The following ENTPD8 variants were observed in gnomAD, a reference collection of about 807,000 sequenced individuals.
The protein encoded by ENTPD8 is E-NTPDase 8.
A neutral mutation model predicts 47.0 loss-of-function variants in ENTPD8; 35 were observed. That is an observed-to-expected ratio of 0.75 (90% CI 0.57 to 0.99). The LOEUF is 0.99. ENTPD8 is among the 50% of genes least tolerant of loss of function. The pLI is 0.00. For synonymous variants in ENTPD8, 308 were observed against 290.5 expected, an observed-to-expected ratio of 1.06 and a Z score of -0.61; for missense variants, 668 against 649.9, an observed-to-expected ratio of 1.03 and a Z score of -0.30.
At chr9:137,435,135 G>A (rs769589401) in intron 9 of ENTPD8, 30 bp from the exon 10 acceptor site, 71 of 1,602,550 alleles carry the variant, frequency 4.4e-5, no homozygotes, top group East Asian at 6.7e-5. Flanking sequence ...TCAGGGCTGC[G>A]GGGCAGCTAC....
rs776380909 is a variant in ENTPD8, at chr9:137,438,198, C to G, written c.88G>C (p.Val30Leu). 1.4e-5 allele frequency: 22 copies of G among 1,608,296 alleles called. No homozygotes were observed. Among genetic ancestry groups the G allele is most frequent in the Non-Finnish European group, 1.9e-5 (22 of 1,177,954 alleles). Residue 30 changes from valine (V) to leucine (L), a missense_variant, in exon 2 of 10, where the codon GTG becomes CTG. Coordinates refer to ENST00000371506, the MANE Select transcript of ENTPD8 (RefSeq NM_001033113.2). This position sits in a 1 kb window ranked among gnomAD's most constrained non-coding sequence, Gnocchi z 5.7. Reference protein sequence around the residue: ...SGLTALILLLVEATSVLLPTD... With the variant: ...SGLTALILLLLEATSVLLPTD... ...GGCAGGAGCACGCTGGTGGCCTCCA[C>G]CAGGAGGAGAATGAGTGCCGTGAGG...
rs895265766 is a variant in ENTPD8 at position 137,435,624 on chromosome 9, C to T, written c.1161+95G>A. 85 of 1,286,898 alleles carry T rather than the reference C, an allele frequency of 6.6e-5. 1 individual carries two copies. The Middle Eastern group carries it at 7.3e-4, about 11-fold the overall frequency. The allele number at this position is 1,286,898 out of a possible 1,614,324, so 79.7% of individuals were successfully genotyped here. Reference sequence around the variant, plus strand: ...CCTTGCCTCCCCCGGCCCTGCTGGCCGTGCTGCCCAGAATGAGGCTCCAGC... The same window carrying T: ...CCTTGCCTCCCCCGGCCCTGCTGGCTGTGCTGCCCAGAATGAGGCTCCAGC... On this transcript the variant is annotated intron_variant, in intron 8 of 9. Coordinates refer to ENST00000371506, the MANE Select transcript of ENTPD8 (RefSeq NM_001033113.2).
In ENTPD8 at chr9:137,435,022, C is replaced by T. The variant is rs756498359; in HGVS notation, c.1380G>A (p.Trp460Ter). Residue 460 changes from tryptophan (W) to a stop codon, truncating the protein, a stop_gained, in exon 10 of 10, where the codon TGG becomes TGA. Transcript: ENST00000371506. LOFTEE classifies it low-confidence loss of function (END_TRUNC). ...CCCAGACGCCGTAGCTCTCTGCCCG[C>T]CACTGAGCCGGCGCATCGGCCGGGA... ...GMIPADAPAQWRAESYGVWVA... is the reference protein window; with the variant it reads ...GMIPADAPAQ 6.2e-7 allele frequency: 1 copy of T among 1,612,762 alleles called. No individual in the cohort carries two copies. The highest frequency in any genetic ancestry group is 1.7e-5 in the Admixed American group (1 of 59,984).
At chr9:137,435,861 C>A in intron 7 of ENTPD8, 32 bp from the exon 8 acceptor site, 1 of 1,609,340 alleles carries the variant, frequency 6.2e-7, no homozygotes, top group Non-Finnish European at 8.5e-7. Context: ...TGTGCCTTCG[C>A]TGTGGCCACG....
At position 137,438,998 on chromosome 9, in the gene ENTPD8, A is replaced by T. The variant is rs1839444518; in HGVS notation, c.-20-693T>A. Among the ~76,000 whole-genome samples, 1 of 151,906 alleles carries T rather than the reference A, an allele frequency of 6.6e-6. No homozygotes were observed. Among genetic ancestry groups the T allele is most frequent in the African/African-American group, 2.4e-5 (1 of 41,340 alleles). On this transcript the variant is annotated intron_variant, in intron 1 of 9. Coordinates refer to ENST00000371506, the MANE Select transcript of ENTPD8 (RefSeq NM_001033113.2). This position sits in a 1 kb window ranked among gnomAD's most constrained non-coding sequence, Gnocchi z 5.7. ...CCTCTCTGCGGCCCCCACCCCAGGC[A>T]CTCCTAGGGTGGGGGTTTCTCTCTG...
In ENTPD8 at chr9:137,438,840, G is replaced by A. The variant is rs1839440858; in HGVS notation, c.-20-535C>T. On this transcript the variant is annotated intron_variant, in intron 1 of 9. Coordinates refer to ENST00000371506, the MANE Select transcript of ENTPD8 (RefSeq NM_001033113.2). The surrounding 1 kb of genome is among the most constrained non-coding windows in gnomAD (Gnocchi z 5.7). ...TAGCCCCCTCGGACCCCCTCGGATG[G>A]GACTCGCGGAGCTGCCCCCACCATG... Among the ~76,000 whole-genome samples the A allele has an allele frequency of 6.6e-6, 1 of 152,074 alleles. No homozygotes were observed. Among genetic ancestry groups the A allele is most frequent in the Non-Finnish European group, 1.5e-5 (1 of 67,972 alleles).
chr9:137,439,410 A>G (rs113074721), intron 1 of ENTPD8, among the ~76,000 whole-genome samples: 2,722 of 152,218 alleles, frequency 0.018, 90 homozygotes, highest in African/African-American at 0.061. Context: ...AGGTCCCGGC[A>G]CCTGAACCCC....
Position 137,435,207 on chromosome 9 carries a change from C to T in ENTPD8, c.1293G>A (p.Lys431=), listed in dbSNP as rs772148614. The part of the protein sequence containing the change: ...EETWPSLEFR[K]QAGGVDIGWT... ...CACGCCCAGGGGAGGCAGTCACCTGCTTTCGGAACTCGAGGCTGGGCCAGG... is the reference window on the plus strand; with the variant it reads ...CACGCCCAGGGGAGGCAGTCACCTGTTTTCGGAACTCGAGGCTGGGCCAGG... Residue 431 remains lysine, a synonymous_variant, in exon 9 of 10, where the codon AAG becomes AAA. Coordinates refer to ENST00000371506, the MANE Select transcript of ENTPD8 (RefSeq NM_001033113.2). 3.1e-6 allele frequency: 5 copies of T among 1,610,678 alleles called. No homozygotes were observed. In the East Asian group the frequency reaches 1.1e-4, roughly 36 times the overall value.
chr9:137,436,795 C>G, intron 5 of ENTPD8, 44 bp from the exon 6 acceptor site: 1 of 1,602,404 alleles, frequency 6.2e-7, no homozygotes, highest in Middle Eastern at 1.7e-4. Flanking sequence ...GCCACCCGGA[C>G]CCCGTCCCGG....
At chr9:137,437,825 A>G in intron 3 of ENTPD8, 142 bp downstream of exon 3, 1 of 755,608 alleles carries the variant, frequency 1.3e-6, no homozygotes, top group Non-Finnish European at 2.2e-6. Context: ...GCGTGAACGC[A>G]GGCTCCGGCC....
chr9:137,436,037 C>T lies in ENTPD8; in HGVS notation c.1026G>A (p.Gln342=). 5.0e-6 allele frequency: 8 copies of T among 1,612,864 alleles called. No homozygotes were observed. The highest frequency in any genetic ancestry group is 6.8e-6 in the Non-Finnish European group (8 of 1,179,978). The part of the protein sequence containing the change: ...QEDCAFDGVY[Q]PPLRGQFYAF... ...CATAGAACTGGCCCCGCAGCGGGGG[C>T]TGGTAGACCCCGTCAAAGGCGCAGT... is the stretch of plus-strand genomic sequence containing the variant. Residue 342 remains glutamine (Q), a synonymous_variant, in exon 7 of 10, where the codon CAG becomes CAA. Coordinates refer to ENST00000371506, the MANE Select transcript of ENTPD8 (RefSeq NM_001033113.2).
chr9:137,440,109 A>T (rs1588481270), intron 1 of ENTPD8, among the ~76,000 whole-genome samples: 1 of 28,682 alleles, frequency 3.5e-5, no homozygotes, highest in Non-Finnish European at 6.1e-5. Context: ...AGCCCCCCAG[A>T]CCAGGACAGC....
chr9:137,438,016 C>G lies in ENTPD8; in HGVS notation c.195G>C (p.Lys65Asn), dbSNP rs1839416865. Residue 65 changes from lysine (K) to asparagine (N), a missense_variant, in exon 3 of 10, where the codon AAG becomes AAC. Lys to Asn is a moderately conservative substitution (Grantham distance 94). Coordinates refer to ENST00000371506, the MANE Select transcript of ENTPD8 (RefSeq NM_001033113.2). The surrounding 1 kb of genome is among the most constrained non-coding windows in gnomAD (Gnocchi z 5.7). ...GGCTGACCACACCCGTGCCATTCTC[C>G]TTGTTCGCCAGCCACTGATACAGGA... ...SLFLYQWLAN[K>N]ENGTGVVSQA... 6.2e-7 allele frequency: 1 copy of G among 1,612,758 alleles called. No individual in the cohort carries two copies. Among genetic ancestry groups the G allele is most frequent in the Non-Finnish European group, 8.5e-7 (1 of 1,179,922 alleles).
intron 1 of ENTPD8, among the ~76,000 whole-genome samples, chr9:137,439,924 C>G (rs1433893251): frequency 1.9e-5 from 2 of 103,544 alleles, no homozygotes; most frequent in East Asian, 6.8e-4. Flanking sequence ...GACAGTGCCC[C>G]CAGACCAGGA....
At chr9:137,435,980 C>T (rs116567049) in intron 7 of ENTPD8, 33 bp downstream of exon 7, 44 of 1,608,408 alleles carry the variant, frequency 2.7e-5, no homozygotes, top group Admixed American at 2.0e-4. Flanking sequence ...CAAGGAAGCC[C>T]GGACCCCTGG....
chr9:137,436,599 G>C lies in ENTPD8; in HGVS notation c.708C>G (p.Asp236Glu). The C allele has an allele frequency of 6.2e-7, 1 of 1,611,634 alleles. No individual in the cohort carries two copies. Among genetic ancestry groups the C allele is most frequent in the Non-Finnish European group, 8.5e-7 (1 of 1,179,586 alleles). The stretch of plus-strand genomic sequence containing the variant: ...GGTAGCTGTGAGTGTAGACGCTGTA[G>C]TCGGAGCCGTAGAGGCGAAAATCGG... ...TQADFRLYGS[D>E]YSVYTHSYLC... The change falls in exon 6 of 10, where the codon GAC becomes GAG. Residue 236 changes from aspartate to glutamate, a missense_variant. Transcript: ENST00000371506.
At chr9:137,436,406 G>A (rs1302701404) in intron 6 of ENTPD8, 115 bp downstream of exon 6, 32 of 1,332,970 alleles carry the variant, frequency 2.4e-5, no homozygotes, top group South Asian at 2.9e-5. Flanking sequence ...GATGACCCAC[G>A]CCAGCCCCGC....
Position 137,437,078 on chromosome 9 carries a change from C to T in ENTPD8, c.396-50G>A. 1.2e-6 allele frequency: 2 copies of T among 1,601,506 alleles called. 1 individual carries two copies. The highest frequency in any genetic ancestry group is 2.2e-5 in the South Asian group (2 of 89,854). On this transcript the variant is annotated intron_variant, in intron 4 of 9. Transcript: ENST00000371506. ...GAGCTGGCTGGAAGCCTGGGCCCGG[C>T]CCCACCCTGCCTGCCACGCTGGCTG... is the stretch of plus-strand genomic sequence containing the variant.
rs1015317842 is a variant in ENTPD8 at position 137,434,796 on chromosome 9, A to G, written c.*118T>C. On this transcript the variant is annotated 3_prime_UTR_variant, in exon 10 of 10. Transcript: ENST00000371506. ...TGACGGTGCCCTGGAGGTGGCTGTC[A>G]CCTGACCGTGGGCAGAGCCACAGAG... 1.5e-6 allele frequency: 2 copies of G among 1,296,210 alleles called. No homozygotes were observed. The highest frequency in any genetic ancestry group is 2.1e-6 in the Non-Finnish European group (2 of 972,580). 80.3% of individuals were successfully genotyped at this position (1,296,210 alleles called of 1,614,324 possible). A position where few individuals can be genotyped will look rare whatever the true frequency, so the allele number is the denominator to read the frequency against.
Sources: gnomAD v4.1 joint callset for allele counts (sites outside exome capture counted in the v4.1 genomes callset) on GRCh38, gnomAD v4.1.1 for gene constraint, Gnocchi (gnomAD v3.1) non-coding constraint, MANE v1.5 for transcripts, NCBI Gene and HGNC (gene_info 2026-07-23, HGNC 2026-07-21) for gene names.